KLF12: variants seen among roughly 807,000 people sequenced by gnomAD.
KLF12 encodes the protein KLF transcription factor 12, also known as Krueppel-like factor 12.
In KLF12, 9 loss-of-function variants were observed where a neutral mutation model predicts 37.8. The observed-to-expected ratio is 0.24, with a 90% confidence interval of 0.14 to 0.42. The LOEUF (loss-of-function observed/expected upper bound fraction) is 0.42, where lower values mean the gene tolerates loss of function less well. KLF12 is among the 10% of genes least tolerant of loss of function. The pLI is 1.00. For missense variants in KLF12, 411 were observed against 516.0 expected (o/e 0.80, Z 1.97); for synonymous variants, 208 against 202.1 (o/e 1.03, Z -0.25).
At chr13:74,196,095 G>A in the KLF12 span, among the ~76,000 whole-genome samples, 1 of 152,200 alleles carries the variant, frequency 6.6e-6, no homozygotes, top group Non-Finnish European at 1.5e-5. Context: ...CTTACCAAGT[G>A]CAAAATGTTT....
chr13:74,249,253 A>G, the KLF12 span, among the ~76,000 whole-genome samples: 1 of 151,980 alleles, frequency 6.6e-6, no homozygotes, highest in African/African-American at 2.4e-5. Flanking sequence ...AACCTAGCAC[A>G]GTGAATGGCA....
At chr13:74,291,818 C>T in the KLF12 span, among the ~76,000 whole-genome samples, 1 of 152,134 alleles carries the variant, frequency 6.6e-6, no homozygotes, top group South Asian at 2.1e-4. Flanking sequence ...GTAGAAAGCA[C>T]CAGATATTTT....
At chr13:73,847,572 T>C (rs1481873124) in intron 3 of KLF12, among the ~76,000 whole-genome samples, 2 of 152,066 alleles carry the variant, frequency 1.3e-5, no homozygotes, top group Non-Finnish European at 2.9e-5. Context: ...ACTCAGCAAC[T>C]GAGAAAAGAA....
chr13:73,854,545 A>G (rs1400738762), intron 3 of KLF12, among the ~76,000 whole-genome samples: 2 of 152,212 alleles, frequency 1.3e-5, no homozygotes, highest in Non-Finnish European at 2.9e-5. Context: ...CTTTTTATGT[A>G]AACAAAGGCA....
At position 73,686,293 on chromosome 13, in the gene KLF12, T is replaced by C. The variant is rs139754202; in HGVS notation, c.*9197A>G. The C allele has an allele frequency of 6.6e-6, 1 of 152,622 alleles. No individual in the cohort carries two copies. Among genetic ancestry groups the C allele is most frequent in the East Asian group, 1.9e-4 (1 of 5,196 alleles). The allele number at this position is 152,622 out of a possible 1,614,324, so 9.5% of individuals were successfully genotyped here. On this transcript the variant is annotated 3_prime_UTR_variant, in exon 8 of 8. Coordinates refer to ENST00000377669, the MANE Select transcript of KLF12 (RefSeq NM_007249.5). Reference sequence around the variant, plus strand: ...ACTTGTTCATTTAAATCTCTGAGAATAGACTGGAATAATCATCCTCTGAGA... The same window carrying C: ...ACTTGTTCATTTAAATCTCTGAGAACAGACTGGAATAATCATCCTCTGAGA...
At chr13:74,032,406 CTT>C (rs1566511257) in intron 1 of KLF12, among the ~76,000 whole-genome samples, 4 of 152,148 alleles carry the variant, frequency 2.6e-5, no homozygotes, top group Non-Finnish European at 1.5e-5. Flanking sequence ...TCTCACTTTA[CTT>C]TAATTCCTAT....
chr13:73,898,301 G>A (rs1358298859), intron 3 of KLF12, among the ~76,000 whole-genome samples: 1 of 152,080 alleles, frequency 6.6e-6, no homozygotes, highest in East Asian at 1.9e-4. Flanking sequence ...ATGATTATCA[G>A]GTCAATAATC....
chr13:73,827,007 CTG>C (rs1035455560), intron 4 of KLF12, among the ~76,000 whole-genome samples: 1 of 152,144 alleles, frequency 6.6e-6, no homozygotes, highest in Admixed American at 6.5e-5. Flanking sequence ...TCTTGAACTC[CTG>C]GGCTTAAGTG....
intron 2 of KLF12, among the ~76,000 whole-genome samples, chr13:73,981,024 G>A (rs905244933): frequency 6.6e-6 from 1 of 152,100 alleles, no homozygotes; most frequent in African/African-American, 2.4e-5. Context: ...GCCGGGCGTG[G>A]TGATGCCTGC....
intron 3 of KLF12, 103 bp downstream of exon 3, chr13:73,943,878 A>G: frequency 2.8e-6 from 2 of 725,264 alleles, no homozygotes; most frequent in Non-Finnish European, 4.7e-6. Flanking sequence ...GAAAAGCTTA[A>G]GCAAGGGAAA....
intron 3 of KLF12, among the ~76,000 whole-genome samples, chr13:73,846,719 A>G (rs572621514): frequency 2.4e-4 from 37 of 152,312 alleles, no homozygotes; most frequent in East Asian, 9.7e-4. Flanking sequence ...ATACGGAAAC[A>G]TATTACCTGG....
At chr13:74,140,942 G>C in the KLF12 span, among the ~76,000 whole-genome samples, 5 of 8,936 alleles carry the variant, frequency 5.6e-4, no homozygotes, top group Non-Finnish European at 3.5e-3. Context: ...TGTAATCCCA[G>C]CTACTCGGGG....
chr13:73,695,817 C>G lies in KLF12; in HGVS notation c.1028-146G>C, dbSNP rs963692171. 7 of 739,302 alleles carry G rather than the reference C, an allele frequency of 9.5e-6. No homozygotes were observed. The African/African-American group carries it at 1.2e-4, about 13-fold the overall frequency. 45.8% of individuals were successfully genotyped at this position (739,302 alleles called of 1,614,324 possible). On this transcript the variant is annotated intron_variant, in intron 7 of 7. Transcript: ENST00000377669. ...TCGGGAAACCTTACCATCCCACCAG[C>G]GGTCTGGGTCAGACAGGTGATGGTT...
the KLF12 span, among the ~76,000 whole-genome samples, chr13:74,147,578 TCGAAATG>T: frequency 6.6e-6 from 1 of 152,216 alleles, no homozygotes; most frequent in African/African-American, 2.4e-5. Context: ...AACATGAGTT[TCGAAATG>T]CTCCTTTGGG....
At chr13:74,298,466 C>A in the KLF12 span, among the ~76,000 whole-genome samples, 1 of 152,162 alleles carries the variant, frequency 6.6e-6, no homozygotes, top group Non-Finnish European at 1.5e-5. Flanking sequence ...ATGTGGCTAG[C>A]GGTTTCTGTA....
chr13:73,829,053 C>G (rs1455150812), intron 4 of KLF12, among the ~76,000 whole-genome samples: 6 of 152,172 alleles, frequency 3.9e-5, no homozygotes, highest in Non-Finnish European at 7.3e-5. Flanking sequence ...CCTTTGCAAT[C>G]CACCTCTGTG....
At chr13:73,908,335 G>C (rs1888401563) in intron 3 of KLF12, among the ~76,000 whole-genome samples, 1 of 149,998 alleles carries the variant, frequency 6.7e-6, no homozygotes, top group Non-Finnish European at 1.5e-5. Flanking sequence ...CCAGGAGGTG[G>C]AGGTTGCAGT....
chr13:74,182,716 G>A, the KLF12 span, among the ~76,000 whole-genome samples: 3 of 152,262 alleles, frequency 2.0e-5, no homozygotes, highest in Admixed American at 2.0e-4. Context: ...TGGAATAATT[G>A]ATACATTTCC....
chr13:73,885,372 C>T (rs1321056839), intron 3 of KLF12, among the ~76,000 whole-genome samples: 1 of 152,162 alleles, frequency 6.6e-6, no homozygotes, highest in Non-Finnish European at 1.5e-5. Flanking sequence ...TTTAATTAAA[C>T]TTCCAAATAC....
Sources: allele counts gnomAD v4.1 joint callset (sites outside exome capture counted in the v4.1 genomes callset), GRCh38; gene constraint gnomAD v4.1.1; transcripts MANE v1.5; gene names NCBI Gene and HGNC (gene_info 2026-07-23, HGNC 2026-07-21).